The following BTAF1 variants were observed in gnomAD, a reference collection of about 807,000 sequenced individuals.
The protein encoded by BTAF1 is B-TFIID TATA-box binding protein associated factor 1.
A neutral mutation model predicts 227.1 loss-of-function variants in BTAF1; 38 were observed. That is an observed-to-expected ratio of 0.17 (90% CI 0.13 to 0.22). The LOEUF (loss-of-function observed/expected upper bound fraction) is 0.22, where lower values mean the gene tolerates loss of function less well. Among genes scored for constraint, BTAF1 ranks in the 10% least tolerant of loss-of-function variants. The pLI is 1.00. For missense variants in BTAF1, 1,598 were observed against 2,204.0 expected (o/e 0.73, Z 5.51); for synonymous variants, 742 against 751.9 (o/e 0.99, Z 0.21).
chr10:92,004,821 G>T (rs1241655619), intron 25 of BTAF1, among the ~76,000 whole-genome samples: 1 of 152,094 alleles, frequency 6.6e-6, no homozygotes, highest in Non-Finnish European at 1.5e-5. Flanking sequence ...CAAAAAATTT[G>T]TCCAGACCAG....
intron 11 of BTAF1, among the ~76,000 whole-genome samples, chr10:91,961,575 A>G (rs1201903607): frequency 6.6e-6 from 1 of 151,020 alleles, no homozygotes; most frequent in Non-Finnish European, 1.5e-5. Flanking sequence ...TGCCCCTTTT[A>G]GTGCTCTTCT....
At chr10:92,014,118 T>C in intron 32 of BTAF1, 89 bp downstream of exon 32, 1 of 1,382,720 alleles carries the variant, frequency 7.2e-7, no homozygotes, top group Non-Finnish European at 9.8e-7. Flanking sequence ...TAAAGGGGCT[T>C]AGCCTTTGGC....
intron 28 of BTAF1, among the ~76,000 whole-genome samples, chr10:92,009,759 C>A (rs553116164): frequency 6.6e-6 from 1 of 152,122 alleles, no homozygotes. Flanking sequence ...CTTTAGCTGC[C>A]GCTGCAGTCA....
rs200896427 is a variant in BTAF1 at position 91,981,699 on chromosome 10, C to T, written c.1812C>T (p.Cys604=). The change falls in exon 16 of 38, where the codon TGC becomes TGT. Residue 604 remains cysteine, a synonymous_variant. Coordinates refer to ENST00000265990, the MANE Select transcript of BTAF1 (RefSeq NM_003972.3). ...TTCAGTATGTGGTAGCAGCTGCTTGCCCATGGATGGGTGCTTGGCTTTGCT... is the reference window on the plus strand; with the variant it reads ...TTCAGTATGTGGTAGCAGCTGCTTGTCCATGGATGGGTGCTTGGCTTTGCT... ...ASVQYVVAAA[C]PWMGAWLCLM... is the part of the protein sequence containing the mutation. 1.9e-6 allele frequency: 3 copies of T among 1,613,790 alleles called. No homozygotes were observed. Among genetic ancestry groups the T allele is most frequent in the East Asian group, 2.2e-5 (1 of 44,866 alleles).
In BTAF1 at chr10:91,923,911, G is replaced by T; in HGVS notation, c.-166G>T. ...CCGCCGCGGGGACGAGCTCGGGTAG[G>T]CGGCAGGGCAGATGCCCGAGGGCCT... On this transcript the variant is annotated 5_prime_UTR_variant, in exon 1 of 38. Coordinates refer to ENST00000265990, the MANE Select transcript of BTAF1 (RefSeq NM_003972.3). The T allele has an allele frequency of 1.3e-6, 1 of 773,392 alleles. No homozygotes were observed. The highest frequency in any genetic ancestry group is 3.4e-5 in the East Asian group (1 of 29,456). The allele number at this position is 773,392 out of a possible 1,614,324, so 47.9% of individuals were successfully genotyped here. A position where few individuals can be genotyped will look rare whatever the true frequency, so the allele number is the denominator to read the frequency against.
intron 14 of BTAF1, 36 bp downstream of exon 14, chr10:91,966,793 T>C (rs201657707): frequency 1.1e-4 from 166 of 1,571,312 alleles, no homozygotes; most frequent in South Asian, 1.2e-4. Context: ...TTGAAACTTA[T>C]ATAAATTAAT....
chr10:91,990,411 T>A (rs1014786106), intron 20 of BTAF1, among the ~76,000 whole-genome samples: 4 of 152,190 alleles, frequency 2.6e-5, no homozygotes, highest in Non-Finnish European at 4.4e-5. Flanking sequence ...TTTTTTTTTT[T>A]AATTCATGGT....
chr10:91,989,360 A>G lies in BTAF1; in HGVS notation c.2634A>G (p.Ile878Met), dbSNP rs538178672. The G allele has an allele frequency of 1.2e-6, 2 of 1,614,208 alleles. No individual in the cohort carries two copies. The highest frequency in any genetic ancestry group is 3.3e-5 in the Admixed American group (2 of 60,022). ...TTCCGGAGAAATTAAATCCTATCAT[A>G]AAACCATTAATGGAGACAATTAAAA... ...QQLPEKLNPI[I>M]KPLMETIKKE... Residue 878 changes from isoleucine (I) to methionine (M), a missense_variant, in exon 20 of 38, where the codon ATA becomes ATG. Around this residue, in one of 10 missense-constraint regions of BTAF1, gnomAD observed 425 missense variants for 491.2 expected, o/e 0.87. Transcript: ENST00000265990.
In BTAF1 at chr10:92,009,074, A is replaced by G. The variant is rs1318997112; in HGVS notation, c.3969A>G (p.Glu1323=). The G allele has an allele frequency of 6.2e-7, 1 of 1,614,018 alleles. No individual in the cohort carries two copies. The highest frequency in any genetic ancestry group is 8.5e-7 in the Non-Finnish European group (1 of 1,180,010). ...AQEYARSKLA[E]CMPLPSLVVC... is the part of the protein sequence containing the mutation. ...AATATGCAAGATCAAAATTAGCAGA[A>G]TGTATGCCACTTCCTTCCTTAGTGG... Residue 1323 remains glutamate, a synonymous_variant, in exon 28 of 38, where the codon GAA becomes GAG. Transcript: ENST00000265990.
At chr10:92,001,593 G>A (rs940428875) in intron 25 of BTAF1, among the ~76,000 whole-genome samples, 3 of 151,966 alleles carry the variant, frequency 2.0e-5, no homozygotes, top group Admixed American at 6.6e-5. Flanking sequence ...AAGCCTTAAC[G>A]GGTTCTAATT....
chr10:92,017,376 AAG>A (rs1850810777), intron 33 of BTAF1, among the ~76,000 whole-genome samples: 1 of 152,188 alleles, frequency 6.6e-6, no homozygotes, highest in Non-Finnish European at 1.5e-5. Flanking sequence ...GAATAGCAAA[AAG>A]AGGTGGCAAG....
chr10:92,014,584 A>G (rs1030555596), intron 32 of BTAF1, among the ~76,000 whole-genome samples: 4 of 152,204 alleles, frequency 2.6e-5, no homozygotes, highest in African/African-American at 4.8e-5. Flanking sequence ...TTAAATTGCT[A>G]AGGAAATAAG....
At chr10:91,981,931 C>G in intron 16 of BTAF1, 139 bp downstream of exon 16, 1 of 1,342,670 alleles carries the variant, frequency 7.4e-7, no homozygotes, top group Non-Finnish European at 9.9e-7. Flanking sequence ...TTATTAGGAC[C>G]CTGACAAAAT....
chr10:91,981,509 C>A, intron 15 of BTAF1, 134 bp from the exon 16 acceptor site: 1 of 923,144 alleles, frequency 1.1e-6, no homozygotes, highest in Non-Finnish European at 1.5e-6. Context: ...TCAAAATAAG[C>A]CTCTATATTG....
chr10:92,031,297 T>TACAA lies in BTAF1; in HGVS notation c.*2368_*2371dup, dbSNP rs1031398804. On this transcript the variant is annotated 3_prime_UTR_variant, in exon 38 of 38. Transcript: ENST00000265990. ...GCTTATTGTATATGCTTATTTATTC[T>TACAA]ACAAACATTTCTCCAAAAAGTATTC... Among the ~76,000 whole-genome samples the TACAA allele has an allele frequency of 6.6e-6, 1 of 152,224 alleles. No individual in the cohort carries two copies. Among genetic ancestry groups the TACAA allele is most frequent in the Non-Finnish European group, 1.5e-5 (1 of 68,026 alleles).
At chr10:91,945,113 T>C (rs556181549) in intron 4 of BTAF1, among the ~76,000 whole-genome samples, 1 of 152,106 alleles carries the variant, frequency 6.6e-6, no homozygotes, top group Admixed American at 6.5e-5. Flanking sequence ...CGGAATGTAC[T>C]CATCATTAAA....
At chr10:91,982,815 T>C in intron 18 of BTAF1, 54 bp downstream of exon 18, 1 of 1,497,228 alleles carries the variant, frequency 6.7e-7, no homozygotes, top group Non-Finnish European at 9.0e-7. Flanking sequence ...CAATTTCCAT[T>C]AGCTGTTAGG....
intron 1 of BTAF1, among the ~76,000 whole-genome samples, chr10:91,933,414 G>A (rs1844399708): frequency 6.6e-6 from 1 of 152,186 alleles, no homozygotes; most frequent in South Asian, 2.1e-4. Context: ...ACAGTATACA[G>A]TTTCCTCAGG....
intron 2 of BTAF1, among the ~76,000 whole-genome samples, chr10:91,936,042 G>C (rs1003122081): frequency 3.3e-5 from 5 of 151,676 alleles, no homozygotes; most frequent in Non-Finnish European, 4.4e-5. Flanking sequence ...TATCTGGTTT[G>C]TTAGTAGTCT....
Sources: allele counts gnomAD v4.1 joint callset (sites outside exome capture counted in the v4.1 genomes callset), GRCh38; gene constraint gnomAD v4.1.1; regional missense constraint gnomAD v4.1.1; transcripts MANE v1.5; gene names NCBI Gene and HGNC (gene_info 2026-07-23, HGNC 2026-07-21).